UGGT2: variants seen among roughly 807,000 people sequenced by gnomAD.
UGGT2 encodes UDP-glucose glycoprotein glucosyltransferase 2.
UGGT2 carries 180 observed loss-of-function variants against 192.1 expected under a neutral mutation model. That is an observed-to-expected ratio of 0.94 (90% CI 0.83 to 1.06). UGGT2 has a LOEUF of 1.06. Ranked by LOEUF, UGGT2 falls within the 50% of genes least tolerant of loss-of-function variation. The pLI, the probability that UGGT2 is intolerant of heterozygous loss-of-function variation, is 0.00. For missense variants in UGGT2, 1,849 were observed against 1,795.7 expected (o/e 1.03, Z -0.54); for synonymous variants, 580 against 591.0 (o/e 0.98, Z 0.27).
chr13:95,892,961 G>A (rs994349565), intron 24 of UGGT2, among the ~76,000 whole-genome samples: 1 of 152,140 alleles, frequency 6.6e-6, no homozygotes, highest in Non-Finnish European at 1.5e-5. Flanking sequence ...GGGGTGAGTA[G>A]TTAGGATTGC....
At chr13:95,802,493 A>C (rs1884105262) in intron 38 of UGGT2, among the ~76,000 whole-genome samples, 1 of 152,254 alleles carries the variant, frequency 6.6e-6, no homozygotes, top group South Asian at 2.1e-4. Context: ...TATAAAAAGG[A>C]AAAACAATAA....
chr13:95,801,760 C>G lies in UGGT2; in HGVS notation c.*30G>C. ...AGCAGGCGGCAGGTTTCCTGTCATGCTTTCGCCTTCCTTCTCATATACACC... is the reference window on the plus strand; with the variant it reads ...AGCAGGCGGCAGGTTTCCTGTCATGGTTTCGCCTTCCTTCTCATATACACC... On this transcript the variant is annotated 3_prime_UTR_variant, in exon 39 of 39. Coordinates refer to ENST00000376747, the MANE Select transcript of UGGT2 (RefSeq NM_020121.4). 1 of 1,610,732 alleles carries G rather than the reference C, an allele frequency of 6.2e-7. No homozygotes were observed. Among genetic ancestry groups the G allele is most frequent in the Non-Finnish European group, 8.5e-7 (1 of 1,178,602 alleles).
intron 38 of UGGT2, among the ~76,000 whole-genome samples, chr13:95,804,577 A>C (rs528401826): frequency 6.0e-4 from 92 of 152,338 alleles, no homozygotes; most frequent in African/African-American, 2.0e-3. Flanking sequence ...TAATGAAAAC[A>C]GTATGGTCCC....
At chr13:95,931,194 G>C (rs1336031743) in intron 17 of UGGT2, among the ~76,000 whole-genome samples, 3 of 152,186 alleles carry the variant, frequency 2.0e-5, no homozygotes, top group African/African-American at 7.2e-5. Flanking sequence ...GTCCCCACTA[G>C]ATGAGCTAGA....
chr13:95,881,189 TCAAAA>T, intron 27 of UGGT2, among the ~76,000 whole-genome samples: 2 of 151,962 alleles, frequency 1.3e-5, no homozygotes, highest in East Asian at 1.9e-4. Flanking sequence ...AGACTCCATG[TCAAAA>T]CAAAACAAAA....
chr13:95,838,658 AT>A (rs908803571), intron 36 of UGGT2, among the ~76,000 whole-genome samples: 1 of 151,956 alleles, frequency 6.6e-6, no homozygotes, highest in East Asian at 1.9e-4. Flanking sequence ...CTTTCTGCTC[AT>A]TTTTTTTGTA....
chr13:95,945,470 T>C (rs1329078958), intron 15 of UGGT2, among the ~76,000 whole-genome samples: 1 of 152,188 alleles, frequency 6.6e-6, no homozygotes, highest in African/African-American at 2.4e-5. Flanking sequence ...GTTTCAAGTA[T>C]AATTTGTTTT....
intron 1 of UGGT2, among the ~76,000 whole-genome samples, chr13:96,039,355 T>G (rs1332613523): frequency 6.6e-6 from 1 of 152,176 alleles, no homozygotes; most frequent in Non-Finnish European, 1.5e-5. Context: ...TTTGTAAGAC[T>G]ATTGTATATT....
At chr13:96,035,154 A>C (rs1014753373) in intron 1 of UGGT2, among the ~76,000 whole-genome samples, 1 of 152,214 alleles carries the variant, frequency 6.6e-6, no homozygotes, top group East Asian at 1.9e-4. Flanking sequence ...ATGCTACCTA[A>C]CTTCAAACTA....
At chr13:95,826,905 G>A (rs1170830170) in intron 38 of UGGT2, among the ~76,000 whole-genome samples, 3 of 151,988 alleles carry the variant, frequency 2.0e-5, no homozygotes, top group Non-Finnish European at 2.9e-5. Flanking sequence ...AAAAAGAAGA[G>A]TAATAAGGAA....
intron 25 of UGGT2, among the ~76,000 whole-genome samples, chr13:95,889,101 T>A (rs2047728211): frequency 6.6e-6 from 1 of 152,194 alleles, no homozygotes; most frequent in Non-Finnish European, 1.5e-5. Flanking sequence ...TAAATTCTAC[T>A]TTTATATAAA....
chr13:95,819,001 A>C (rs928114823), intron 38 of UGGT2, among the ~76,000 whole-genome samples: 4 of 152,206 alleles, frequency 2.6e-5, no homozygotes, highest in African/African-American at 9.7e-5. Context: ...CTGTGCTCCA[A>C]GTCTAGGAAA....
chr13:95,823,376 C>A (rs1486313216), intron 38 of UGGT2, among the ~76,000 whole-genome samples: 1 of 152,014 alleles, frequency 6.6e-6, no homozygotes, highest in East Asian at 1.9e-4. Flanking sequence ...CTTAAGTCCA[C>A]CACTATTATT....
intron 37 of UGGT2, among the ~76,000 whole-genome samples, chr13:95,835,431 A>T (rs1887177136): frequency 6.6e-6 from 1 of 152,230 alleles, no homozygotes; most frequent in African/African-American, 2.4e-5. Flanking sequence ...ACAACATATT[A>T]GTAGTTGTGT....
chr13:96,046,921 A>T (rs1326473361), intron 1 of UGGT2, among the ~76,000 whole-genome samples: 1 of 151,826 alleles, frequency 6.6e-6, no homozygotes, highest in Admixed American at 6.6e-5. Flanking sequence ...AGGCTGGGGG[A>T]GGGGCACCCG....
intron 30 of UGGT2, among the ~76,000 whole-genome samples, chr13:95,866,444 T>C (rs116303402): frequency 1.7e-3 from 254 of 152,296 alleles, no homozygotes; most frequent in African/African-American, 5.6e-3. Context: ...GCTTAGGCTA[T>C]TGTAATCTTA....
At chr13:95,914,136 T>C (rs2048599071) in intron 20 of UGGT2, among the ~76,000 whole-genome samples, 2 of 151,928 alleles carry the variant, frequency 1.3e-5, no homozygotes, top group East Asian at 3.9e-4. Context: ...TTAGGAGACA[T>C]ACCTAATGTA....
intron 38 of UGGT2, among the ~76,000 whole-genome samples, chr13:95,814,550 G>A (rs1884728730): frequency 6.6e-6 from 1 of 152,114 alleles, no homozygotes; most frequent in African/African-American, 2.4e-5. Flanking sequence ...TAACTAACTT[G>A]TTTTTTATTT....
chr13:96,020,788 G>T (rs867319085), intron 4 of UGGT2, among the ~76,000 whole-genome samples: 31 of 152,222 alleles, frequency 2.0e-4, no homozygotes, highest in African/African-American at 6.7e-4. Context: ...TCCCACCCAT[G>T]ACAGTCTCCA....
Sources: allele counts gnomAD v4.1 joint callset (sites outside exome capture counted in the v4.1 genomes callset), GRCh38; gene constraint gnomAD v4.1.1; transcripts MANE v1.5; gene names NCBI Gene and HGNC (gene_info 2026-07-23, HGNC 2026-07-21).